Variants in RBFOX2 observed in about 807,000 individuals in gnomAD.
RBFOX2 encodes RNA binding protein fox-1 homolog 2.
In RBFOX2, 10 loss-of-function variants were observed where a neutral mutation model predicts 49.1. The ratio of observed to expected loss-of-function variants is 0.20; its 90% CI spans 0.13 to 0.35. The LOEUF is 0.35. Ranked by LOEUF, RBFOX2 falls within the 10% of genes least tolerant of loss-of-function variation. RBFOX2 has a pLI of 1.00. For synonymous variants in RBFOX2, 183 were observed against 187.4 expected (o/e 0.98, Z 0.19); for missense variants, 323 against 486.9 (o/e 0.66, Z 3.17).
chr22:36,021,227 C>T (rs908318944), intron 1 of RBFOX2, among the ~76,000 whole-genome samples: 2 of 121,846 alleles, frequency 1.6e-5, no homozygotes, highest in African/African-American at 6.6e-5. Context: ...TGGGGAACAT[C>T]ACACAATGGG....
At chr22:35,764,555 A>C (rs1940283805) in intron 6 of RBFOX2, among the ~76,000 whole-genome samples, 1 of 149,112 alleles carries the variant, frequency 6.7e-6, no homozygotes, top group South Asian at 2.2e-4. Flanking sequence ...AGTGCACTCC[A>C]GCCTGGGTGA....
chr22:35,912,915 C>G (rs1197046579), intron 1 of RBFOX2, among the ~76,000 whole-genome samples: 5 of 152,140 alleles, frequency 3.3e-5, no homozygotes, highest in Non-Finnish European at 7.4e-5. Context: ...CCCTCTTAAC[C>G]TGTTTTGTAA....
At chr22:35,746,543 T>G (rs766637833) in exon 10 of RBFOX2, 28 of 1,604,132 alleles carry the variant, frequency 1.7e-5, no homozygotes, top group East Asian at 2.3e-5. Flanking sequence ...TGTGCATATC[T>G]GTAGGCTGCA....
intron 2 of RBFOX2, among the ~76,000 whole-genome samples, chr22:35,783,474 TTGGGTGTGG>T (rs1945661342): frequency 6.6e-6 from 1 of 152,132 alleles, no homozygotes; most frequent in African/African-American, 2.4e-5. Context: ...AGTCTGCATT[TTGGGTGTGG>T]TGGGTGGGAA....
chr22:35,861,753 T>TACC (rs1200124655), intron 1 of RBFOX2, among the ~76,000 whole-genome samples: 2 of 152,144 alleles, frequency 1.3e-5, no homozygotes, highest in African/African-American at 4.8e-5. Flanking sequence ...AACACACACC[T>TACC]ACCATATGAT....
At chr22:36,013,626 A>AAC (rs547422068) in intron 1 of RBFOX2, among the ~76,000 whole-genome samples, 2,166 of 146,112 alleles carry the variant, frequency 0.015, 29 homozygotes, top group African/African-American at 0.041. Flanking sequence ...GCATCACACA[A>AAC]ACACACACAC....
chr22:35,951,694 A>G (rs910001794), intron 1 of RBFOX2, among the ~76,000 whole-genome samples: 1 of 152,208 alleles, frequency 6.6e-6, no homozygotes, highest in Non-Finnish European at 1.5e-5. Flanking sequence ...GTGTTTTATA[A>G]ACATTATCAC....
At chr22:35,896,781 C>A (rs1016385375) in intron 1 of RBFOX2, among the ~76,000 whole-genome samples, 6 of 152,304 alleles carry the variant, frequency 3.9e-5, no homozygotes, top group Admixed American at 2.6e-4. Flanking sequence ...CTACATAGAA[C>A]CTCTCTGCTT....
At chr22:35,818,148 T>C (rs1485424320) in intron 1 of RBFOX2, among the ~76,000 whole-genome samples, 2 of 152,198 alleles carry the variant, frequency 1.3e-5, no homozygotes, top group African/African-American at 2.4e-5. Context: ...AACCCTGTAA[T>C]AGTCTTAATA....
chr22:35,781,714 C>T, exon 3 of RBFOX2: 1 of 1,614,178 alleles, frequency 6.2e-7, no homozygotes, highest in Non-Finnish European at 8.5e-7. Context: ...TCTGTGACTG[C>T]TGGCCGTCTG....
intron 4 of RBFOX2, among the ~76,000 whole-genome samples, chr22:35,774,011 T>C (rs548199341): frequency 1.3e-5 from 2 of 152,258 alleles, no homozygotes; most frequent in African/African-American, 4.8e-5. Flanking sequence ...ACTAGAAGGA[T>C]ACATGAGAAT....
intron 9 of RBFOX2, 58 bp from the exon 11 acceptor site, chr22:35,756,202 C>T: frequency 6.9e-7 from 1 of 1,458,758 alleles, no homozygotes. Context: ...GAAACACATT[C>T]CGGTTATTGA....
chr22:36,000,433 C>T (rs1046205572), intron 1 of RBFOX2: 5 of 152,190 alleles, frequency 3.3e-5, no homozygotes, highest in South Asian at 2.1e-4. Flanking sequence ...GTTCAAGGCA[C>T]TTGGCTTTAA....
intron 11 of RBFOX2, among the ~76,000 whole-genome samples, chr22:35,745,621 A>T (rs1161478657): frequency 6.6e-6 from 1 of 152,216 alleles, no homozygotes; most frequent in Non-Finnish European, 1.5e-5. Flanking sequence ...TATGCACTCA[A>T]CATTTGAACC....
chr22:35,978,874 A>G (rs968092698), intron 1 of RBFOX2, among the ~76,000 whole-genome samples: 1 of 152,234 alleles, frequency 6.6e-6, no homozygotes, highest in Non-Finnish European at 1.5e-5. Context: ...TGGTTGGTTC[A>G]GGAAAGAGTA....
intron 2 of RBFOX2, among the ~76,000 whole-genome samples, chr22:35,800,267 T>G (rs982149875): frequency 1.3e-5 from 2 of 152,194 alleles, no homozygotes; most frequent in Non-Finnish European, 2.9e-5. Context: ...TAAGACTGTT[T>G]CCTAATCGTC....
intron 1 of RBFOX2, among the ~76,000 whole-genome samples, chr22:35,866,660 A>G (rs1195443901): frequency 6.6e-6 from 1 of 152,170 alleles, no homozygotes; most frequent in Non-Finnish European, 1.5e-5. Context: ...TGCCTCATGT[A>G]GCCCAGACTT....
At chr22:35,765,303 G>C (rs1940572634) in intron 6 of RBFOX2, 120 bp downstream of exon 7, 2 of 691,928 alleles carry the variant, frequency 2.9e-6, no homozygotes, top group Non-Finnish European at 4.8e-6. Context: ...CAGGTAAAGA[G>C]ACTACTTCAA....
chr22:35,789,118 C>G (rs956134415), intron 2 of RBFOX2, among the ~76,000 whole-genome samples: 1 of 150,438 alleles, frequency 6.6e-6, no homozygotes, highest in African/African-American at 2.4e-5. Context: ...CACCCCTCAT[C>G]CCACCCACAT....
Sources: gnomAD v4.1 joint callset for allele counts (sites outside exome capture counted in the v4.1 genomes callset) on GRCh38, gnomAD v4.1.1 for gene constraint, MANE v1.5 for transcripts, NCBI Gene and HGNC (gene_info 2026-07-23, HGNC 2026-07-21) for gene names.